The following SAMD3 variants were observed in gnomAD, a reference collection of about 807,000 sequenced individuals.
The protein encoded by SAMD3 is sterile alpha motif domain containing 3, also known as sterile alpha motif domain-containing protein 3.
SAMD3 carries 63 observed loss-of-function variants against 58.5 expected under a neutral mutation model. That is an observed-to-expected ratio of 1.08 (90% CI 0.88 to 1.33). SAMD3 has a LOEUF of 1.33. Among genes scored for constraint, SAMD3 ranks in the 40% most tolerant of loss-of-function variants. The pLI, the probability that SAMD3 is intolerant of heterozygous loss-of-function variation, is 0.00. For synonymous variants in SAMD3, 220 were observed against 210.3 expected (o/e 1.05, Z -0.40); for missense variants, 604 against 608.4 (o/e 0.99, Z 0.08).
chr6:130,149,452 A>T (rs550081418), intron 9 of SAMD3, among the ~76,000 whole-genome samples: 68 of 152,306 alleles, frequency 4.5e-4, no homozygotes, highest in African/African-American at 1.5e-3. Context: ...TAGCAATAAC[A>T]TGGAATCCAC....
intron 1 of SAMD3, among the ~76,000 whole-genome samples, chr6:130,343,969 A>ACAAT (rs1339819601): frequency 1.8e-5 from 2 of 112,220 alleles, no homozygotes; most frequent in African/African-American, 1.2e-4. Flanking sequence ...TGTCTTAAAA[A>ACAAT]CAAACAAAAA....
intron 4 of SAMD3, among the ~76,000 whole-genome samples, chr6:130,211,833 A>C (rs113768622): frequency 4.0e-5 from 6 of 151,078 alleles, no homozygotes; most frequent in African/African-American, 1.5e-4. Context: ...TGTCTCAGAG[A>C]CTTTTGGGTT....
intron 2 of SAMD3, among the ~76,000 whole-genome samples, chr6:130,280,642 C>T (rs1774949158): frequency 6.6e-6 from 1 of 152,156 alleles, no homozygotes; most frequent in Non-Finnish European, 1.5e-5. Flanking sequence ...CCCATTTGGC[C>T]ATTGTTCATG....
intron 2 of SAMD3, among the ~76,000 whole-genome samples, chr6:130,273,241 C>A (rs6932063): frequency 0.31 from 47,232 of 151,682 alleles, 7,722 homozygotes; most frequent in East Asian, 0.47. Context: ...ATGAAGAGAC[C>A]TTTTATCATT....
At chr6:130,279,378 C>T (rs1371069231) in intron 2 of SAMD3, among the ~76,000 whole-genome samples, 1 of 152,104 alleles carries the variant, frequency 6.6e-6, no homozygotes, top group African/African-American at 2.4e-5. Flanking sequence ...GGCATTTCCC[C>T]TGCTGGCACT....
intron 8 of SAMD3, among the ~76,000 whole-genome samples, chr6:130,163,373 C>T (rs958778654): frequency 3.9e-5 from 6 of 152,238 alleles, no homozygotes; most frequent in Middle Eastern, 6.8e-3. Flanking sequence ...CATACCAAAT[C>T]CCAGTCATCC....
intron 1 of SAMD3, among the ~76,000 whole-genome samples, chr6:130,319,621 A>G (rs1042523688): frequency 6.6e-5 from 10 of 152,216 alleles, no homozygotes; most frequent in African/African-American, 2.4e-4. Flanking sequence ...CCTACAAAAA[A>G]TGTTGAAAGA....
At chr6:130,281,403 A>G (rs933729906) in intron 2 of SAMD3, among the ~76,000 whole-genome samples, 2 of 152,202 alleles carry the variant, frequency 1.3e-5, no homozygotes, top group Admixed American at 1.3e-4. Flanking sequence ...AATTAGGGTT[A>G]GAGGTGCACC....
chr6:130,328,408 C>T (rs1055587063), intron 1 of SAMD3, among the ~76,000 whole-genome samples: 1 of 152,158 alleles, frequency 6.6e-6, no homozygotes, highest in African/African-American at 2.4e-5. Context: ...ACTTTTTCCC[C>T]ACCTCTTTCA....
At chr6:130,172,540 C>G (rs1003386986) in intron 8 of SAMD3, among the ~76,000 whole-genome samples, 1 of 152,198 alleles carries the variant, frequency 6.6e-6, no homozygotes, top group Non-Finnish European at 1.5e-5. Context: ...GGACCCCACT[C>G]TTTTCTGGCT....
intron 2 of SAMD3, among the ~76,000 whole-genome samples, chr6:130,274,297 T>C (rs1229063339): frequency 1.3e-5 from 2 of 152,196 alleles, no homozygotes; most frequent in Non-Finnish European, 2.9e-5. Flanking sequence ...CTGAGTGGCC[T>C]TGGACCAACC....
chr6:130,215,834 T>G, intron 2 of SAMD3: 3 of 1,534,930 alleles, frequency 2.0e-6, no homozygotes, highest in Non-Finnish European at 2.6e-6. Flanking sequence ...AGATTGTAAC[T>G]TGCTGCTTCT....
At chr6:130,150,349 A>C (rs1018739934) in intron 9 of SAMD3, among the ~76,000 whole-genome samples, 5 of 152,188 alleles carry the variant, frequency 3.3e-5, no homozygotes, top group Non-Finnish European at 2.9e-5. Context: ...AGCATCCAGC[A>C]TACAGTGCAG....
In SAMD3 at chr6:130,148,844, G is replaced by A. The variant is rs537567515; in HGVS notation, c.1024-2663C>T. 1.4e-4 allele frequency among the ~76,000 whole-genome samples: 3 copies of A among 21,634 alleles called. No individual in the cohort carries two copies. In the East Asian group the frequency reaches 0.088, roughly 636 times the overall value. The allele number at this position is 21,634 out of a possible 152,430, so 14.2% of individuals were successfully genotyped here. On this transcript the variant is annotated intron_variant, in intron 9 of 11. Transcript: ENST00000439090. ...GCCATGATCATGACACTCCAGCCTG[G>A]ACAACAGAGAGACTTTCTCAAAAAA...
intron 2 of SAMD3, among the ~76,000 whole-genome samples, chr6:130,298,988 G>A (rs1005055837): frequency 1.3e-5 from 2 of 152,108 alleles, no homozygotes; most frequent in Admixed American, 6.5e-5. Flanking sequence ...TAAAGAGAAA[G>A]ATAGACAGTG....
chr6:130,218,804 T>TAA (rs528806434), intron 1 of SAMD3, among the ~76,000 whole-genome samples: 32 of 151,560 alleles, frequency 2.1e-4, no homozygotes, highest in African/African-American at 6.8e-4. Context: ...GAACTCAAAG[T>TAA]AAAAAAAACC....
intron 1 of SAMD3, among the ~76,000 whole-genome samples, chr6:130,313,842 T>C (rs1228918172): frequency 6.6e-6 from 1 of 152,230 alleles, no homozygotes; most frequent in Non-Finnish European, 1.5e-5. Context: ...AGCAGCTTCC[T>C]TCCCTGCAAG....
At chr6:130,257,155 GTCTC>G (rs148601929) in intron 2 of SAMD3, among the ~76,000 whole-genome samples, 3 of 150,234 alleles carry the variant, frequency 2.0e-5, no homozygotes, top group Non-Finnish European at 4.4e-5. Context: ...ATCTCTCTCT[GTCTC>G]TCTCTCTCTC....
intron 2 of SAMD3, among the ~76,000 whole-genome samples, chr6:130,263,475 T>C (rs1774216421): frequency 1.3e-5 from 2 of 152,024 alleles, no homozygotes. Flanking sequence ...ATGCTGTTCA[T>C]ACAGCAAAAA....
Sources: allele counts gnomAD v4.1 joint callset (sites outside exome capture counted in the v4.1 genomes callset), GRCh38; gene constraint gnomAD v4.1.1; transcripts MANE v1.5; gene names NCBI Gene and HGNC (gene_info 2026-07-23, HGNC 2026-07-21).